Variants in MRPS27 observed in about 807,000 individuals in gnomAD.
MRPS27 encodes the protein mitochondrial ribosomal protein S27, also known as small ribosomal subunit protein mS27.
A neutral mutation model predicts 48.9 loss-of-function variants in MRPS27; 43 were observed. The observed-to-expected ratio is 0.88, with a 90% CI of 0.69 to 1.13. The LOEUF is 1.13. MRPS27 is among the 50% of genes most tolerant of loss of function. The pLI, the probability that MRPS27 is intolerant of heterozygous loss-of-function variation, is 0.00. For synonymous variants in MRPS27, 188 were observed against 171.9 expected (o/e 1.09, Z -0.73); for missense variants, 467 against 476.3 (o/e 0.98, Z 0.18).
chr5:72,276,785 ACT>A (rs902578787), intron 4 of MRPS27, among the ~76,000 whole-genome samples: 3 of 151,732 alleles, frequency 2.0e-5, no homozygotes, highest in African/African-American at 4.8e-5. Context: ...TAATCTCAAC[ACT>A]CTGTGAGGCC....
intron 7 of MRPS27, among the ~76,000 whole-genome samples, chr5:72,230,487 A>T (rs1748030781): frequency 6.6e-6 from 1 of 152,122 alleles, no homozygotes; most frequent in Non-Finnish European, 1.5e-5. Context: ...CATTTAATTG[A>T]CTTTTTTTAT....
chr5:72,252,631 G>C (rs917391667), intron 4 of MRPS27, among the ~76,000 whole-genome samples: 1 of 152,136 alleles, frequency 6.6e-6, no homozygotes, highest in Non-Finnish European at 1.5e-5. Context: ...CACACTTTTG[G>C]TTGTTGTTGA....
intron 7 of MRPS27, chr5:72,229,428 A>G (rs1297717064): frequency 6.6e-6 from 1 of 151,404 alleles, no homozygotes; most frequent in Non-Finnish European, 1.5e-5. Flanking sequence ...GCCCCCCCCC[A>G]AGCACTTCTG....
chr5:72,317,698 A>T (rs899357850), intron 1 of MRPS27, among the ~76,000 whole-genome samples: 2 of 149,024 alleles, frequency 1.3e-5, no homozygotes, highest in African/African-American at 5.0e-5. Flanking sequence ...TATTATTATT[A>T]TTTTTTTGAG....
Position 72,285,525 on chromosome 5 carries a change from C to G in MRPS27, c.281+10006G>C, listed in dbSNP as rs575196597. ...TAATAATCTTTTTTTGGGAGGGGGACAGGGTCTTGCTCTAGTACTCAGGCT... is the reference window on the plus strand; with the variant it reads ...TAATAATCTTTTTTTGGGAGGGGGAGAGGGTCTTGCTCTAGTACTCAGGCT... On this transcript the variant is annotated intron_variant, in intron 4 of 10. Coordinates refer to ENST00000261413, the MANE Select transcript of MRPS27 (RefSeq NM_015084.3). 3.3e-5 allele frequency among the ~76,000 whole-genome samples: 5 copies of G among 152,122 alleles called. No homozygotes were observed. In the South Asian group the frequency reaches 1.0e-3, roughly 32 times the overall value.
At chr5:72,285,351 A>C (rs1749645191) in intron 4 of MRPS27, among the ~76,000 whole-genome samples, 1 of 152,232 alleles carries the variant, frequency 6.6e-6, no homozygotes, top group African/African-American at 2.4e-5. Flanking sequence ...TGCTGATAAC[A>C]ACATCAATCC....
At chr5:72,270,235 T>TA (rs1435152699) in intron 4 of MRPS27, among the ~76,000 whole-genome samples, 7 of 140,034 alleles carry the variant, frequency 5.0e-5, no homozygotes, top group African/African-American at 1.8e-4. Context: ...ATAATAATAA[T>TA]ATTAAAATGC....
chr5:72,268,510 T>C (rs1306429971), intron 4 of MRPS27, among the ~76,000 whole-genome samples: 1 of 152,204 alleles, frequency 6.6e-6, no homozygotes, highest in Non-Finnish European at 1.5e-5. Context: ...ATAATTTAAA[T>C]TTAACCTGCT....
chr5:72,248,501 G>GA (rs1196926988), intron 4 of MRPS27, among the ~76,000 whole-genome samples: 1 of 151,964 alleles, frequency 6.6e-6, no homozygotes, highest in Admixed American at 6.6e-5. Context: ...TACTGCCTGA[G>GA]AAAATTTAAA....
At chr5:72,292,498 G>T (rs981585945) in intron 4 of MRPS27, among the ~76,000 whole-genome samples, 1 of 152,110 alleles carries the variant, frequency 6.6e-6, no homozygotes, top group African/African-American at 2.4e-5. Flanking sequence ...TTAAGCCTAT[G>T]TACTTTCAGA....
At chr5:72,318,668 C>T (rs1309801603) in intron 1 of MRPS27, among the ~76,000 whole-genome samples, 1 of 152,140 alleles carries the variant, frequency 6.6e-6, no homozygotes, top group Non-Finnish European at 1.5e-5. Flanking sequence ...GTGGCGCATG[C>T]CTGTAATCTC....
In MRPS27 at chr5:72,220,850, G is replaced by C; in HGVS notation, c.*59C>G. ...AGGCTGTTGTCCAGGCCACTGCTGAGTCCTGGCACGGGGTTGAGTGAAGTT... is the reference window on the plus strand; with the variant it reads ...AGGCTGTTGTCCAGGCCACTGCTGACTCCTGGCACGGGGTTGAGTGAAGTT... On this transcript the variant is annotated 3_prime_UTR_variant, in exon 11 of 11. Coordinates refer to ENST00000261413, the MANE Select transcript of MRPS27 (RefSeq NM_015084.3). The C allele has an allele frequency of 6.2e-7, 1 of 1,602,700 alleles. No individual in the cohort carries two copies. The highest frequency in any genetic ancestry group is 8.5e-7 in the Non-Finnish European group (1 of 1,175,018).
chr5:72,268,400 G>A (rs952921732), intron 4 of MRPS27, among the ~76,000 whole-genome samples: 19 of 152,272 alleles, frequency 1.2e-4, no homozygotes, highest in African/African-American at 3.9e-4. Flanking sequence ...TTTCTGAATA[G>A]GAAGTAAAGT....
chr5:72,249,524 A>G (rs545456426), intron 4 of MRPS27, among the ~76,000 whole-genome samples: 208 of 152,028 alleles, frequency 1.4e-3, no homozygotes, highest in African/African-American at 4.7e-3. Context: ...TCTCTACTAA[A>G]AAATACAAAA....
intron 10 of MRPS27, among the ~76,000 whole-genome samples, chr5:72,221,350 G>C (rs948256610): frequency 5.3e-5 from 8 of 152,164 alleles, no homozygotes; most frequent in Non-Finnish European, 1.2e-4. Context: ...AAACCATTTT[G>C]TTGGGAAATG....
chr5:72,246,370 C>CA (rs1461732961), intron 4 of MRPS27, among the ~76,000 whole-genome samples: 1 of 152,166 alleles, frequency 6.6e-6, no homozygotes, highest in Non-Finnish European at 1.5e-5. Flanking sequence ...ACCTAGTCCT[C>CA]ACTTATTCCC....
chr5:72,234,680 G>A (rs147568570), intron 5 of MRPS27, among the ~76,000 whole-genome samples: 86 of 152,188 alleles, frequency 5.7e-4, no homozygotes, highest in African/African-American at 1.8e-3. Context: ...TTTCTAGAAT[G>A]TTGTGTCATA....
intron 4 of MRPS27, among the ~76,000 whole-genome samples, chr5:72,240,979 T>C (rs943574531): frequency 3.9e-5 from 6 of 152,342 alleles, no homozygotes; most frequent in Admixed American, 3.9e-4. Flanking sequence ...TGGTATGAGC[T>C]CTGCTCTCTA....
chr5:72,259,539 A>T (rs2111997744), intron 4 of MRPS27, among the ~76,000 whole-genome samples: 1 of 151,966 alleles, frequency 6.6e-6, no homozygotes, highest in African/African-American at 2.4e-5. Flanking sequence ...AATCTTTTTT[A>T]AATTGCAAGA....
Sources: allele counts gnomAD v4.1 joint callset (sites outside exome capture counted in the v4.1 genomes callset), GRCh38; gene constraint gnomAD v4.1.1; transcripts MANE v1.5; gene names NCBI Gene and HGNC (gene_info 2026-07-23, HGNC 2026-07-21).